The following KCNH1 variants were observed in gnomAD, a reference collection of about 807,000 sequenced individuals.
The protein encoded by KCNH1 is voltage-gated delayed rectifier potassium channel KCNH1.
KCNH1 carries 27 observed loss-of-function variants against 69.2 expected under a neutral mutation model. The observed-to-expected ratio is 0.39, with a 90% confidence interval of 0.29 to 0.54. The LOEUF is 0.54. Ranked by LOEUF, KCNH1 falls within the 20% of genes least tolerant of loss-of-function variation. The probability of loss-of-function intolerance (pLI) is 0.68; values close to 1 mark genes in which losing one functional copy is unlikely to be tolerated. For missense variants in KCNH1, 798 were observed against 1,261.6 expected (o/e 0.63, Z 5.57); for synonymous variants, 456 against 487.7 (o/e 0.93, Z 0.86).
intron 7 of KCNH1, among the ~76,000 whole-genome samples, chr1:210,874,724 AC>A (rs1478619829): frequency 2.0e-5 from 3 of 152,236 alleles, no homozygotes; most frequent in African/African-American, 7.2e-5. Context: ...ATAGCAGCAT[AC>A]ATACATATAT....
intron 5 of KCNH1, among the ~76,000 whole-genome samples, chr1:211,040,627 A>G (rs1490162631): frequency 6.6e-6 from 1 of 152,156 alleles, no homozygotes; most frequent in Admixed American, 6.6e-5. Flanking sequence ...AAACAGACTA[A>G]CACACCTTGA....
chr1:210,920,578 C>CA (rs1439066571), intron 6 of KCNH1, among the ~76,000 whole-genome samples: 1 of 151,904 alleles, frequency 6.6e-6, no homozygotes, highest in Non-Finnish European at 1.5e-5. Context: ...GCTGCATTAG[C>CA]AAGTTATGAA....
At chr1:210,941,095 G>A (rs73073409) in intron 6 of KCNH1, among the ~76,000 whole-genome samples, 3,142 of 152,286 alleles carry the variant, frequency 0.021, 97 homozygotes, top group African/African-American at 0.072. Flanking sequence ...TCTGGATACA[G>A]AACAGCACCA....
chr1:211,035,614 C>G (rs191310182), intron 5 of KCNH1, among the ~76,000 whole-genome samples: 84 of 152,108 alleles, frequency 5.5e-4, no homozygotes, highest in Non-Finnish European at 1.3e-4. Flanking sequence ...ATATAAAAGG[C>G]TATGAGTGAT....
chr1:211,113,056 G>A (rs1227189171), intron 1 of KCNH1, among the ~76,000 whole-genome samples: 1 of 151,928 alleles, frequency 6.6e-6, no homozygotes, highest in Admixed American at 6.5e-5. Flanking sequence ...CTCTTTACCA[G>A]GTACTGTTTT....
At chr1:210,749,064 G>A (rs917579558) in intron 10 of KCNH1, among the ~76,000 whole-genome samples, 4 of 152,110 alleles carry the variant, frequency 2.6e-5, no homozygotes, top group Admixed American at 6.5e-5. Flanking sequence ...TCCTGCTTTC[G>A]GTAGCCAGGT....
chr1:210,731,674 T>C (rs1361527713), intron 10 of KCNH1, among the ~76,000 whole-genome samples: 1 of 152,208 alleles, frequency 6.6e-6, no homozygotes, highest in East Asian at 1.9e-4. Context: ...AAATTACCTC[T>C]TTAAAAACAC....
intron 10 of KCNH1, among the ~76,000 whole-genome samples, chr1:210,699,793 C>T (rs1170325861): frequency 3.9e-5 from 6 of 152,170 alleles, no homozygotes; most frequent in Non-Finnish European, 8.8e-5. Flanking sequence ...ATAGCTGGCA[C>T]TTGGGTTACT....
chr1:210,998,613 A>C (rs923102168), intron 6 of KCNH1, among the ~76,000 whole-genome samples: 5 of 152,198 alleles, frequency 3.3e-5, no homozygotes, highest in African/African-American at 1.2e-4. Flanking sequence ...CAAGACAGAA[A>C]GTTAACAAGG....
At chr1:210,788,686 T>TAAAAGTGCGGAC (rs1684152942) in intron 9 of KCNH1, among the ~76,000 whole-genome samples, 1 of 6,474 alleles carries the variant, frequency 1.5e-4, no homozygotes, top group African/African-American at 5.5e-4. Flanking sequence ...AGCTTCTTTC[T>TAAAAGTGCGGAC]TTTTTTTTTT....
chr1:210,813,562 T>C (rs1269562373), intron 7 of KCNH1, among the ~76,000 whole-genome samples: 1 of 152,226 alleles, frequency 6.6e-6, no homozygotes, highest in Non-Finnish European at 1.5e-5. Flanking sequence ...TTTGTTAATG[T>C]AGTTTTTGGT....
At chr1:210,938,000 C>T (rs1048439387) in intron 6 of KCNH1, among the ~76,000 whole-genome samples, 3 of 152,208 alleles carry the variant, frequency 2.0e-5, no homozygotes, top group Non-Finnish European at 4.4e-5. Flanking sequence ...TCAATCCAGG[C>T]ATTCCTCCTG....
At chr1:210,776,337 C>A (rs990378271) in intron 9 of KCNH1, among the ~76,000 whole-genome samples, 2 of 152,156 alleles carry the variant, frequency 1.3e-5, no homozygotes, top group East Asian at 1.9e-4. Context: ...TCTCCAGGAT[C>A]CTCTCTATCC....
chr1:211,113,621 G>T (rs1447194290), intron 1 of KCNH1, among the ~76,000 whole-genome samples: 2 of 152,182 alleles, frequency 1.3e-5, no homozygotes, highest in African/African-American at 2.4e-5. Flanking sequence ...ACACTCAGGG[G>T]TGAGGAAGAA....
chr1:210,755,236 A>G (rs1422785590), intron 10 of KCNH1, among the ~76,000 whole-genome samples: 1 of 152,202 alleles, frequency 6.6e-6, no homozygotes, highest in Non-Finnish European at 1.5e-5. Context: ...GCTGGTGGAA[A>G]TGGAAAAGCT....
At chr1:210,743,459 A>T (rs1180876136) in intron 10 of KCNH1, among the ~76,000 whole-genome samples, 1 of 152,172 alleles carries the variant, frequency 6.6e-6, no homozygotes, top group African/African-American at 2.4e-5. Flanking sequence ...AAAGACTGGG[A>T]TTCTCCATTG....
intron 7 of KCNH1, among the ~76,000 whole-genome samples, chr1:210,883,302 G>T (rs978507191): frequency 3.3e-5 from 5 of 152,124 alleles, no homozygotes; most frequent in South Asian, 2.1e-4. Flanking sequence ...TTCTTTCCTG[G>T]CTAACATATG....
intron 10 of KCNH1, among the ~76,000 whole-genome samples, chr1:210,717,053 G>GATTA (rs943139296): frequency 2.6e-5 from 4 of 152,118 alleles, no homozygotes; most frequent in African/African-American, 9.7e-5. Context: ...ACCACATACT[G>GATTA]ATTAATTTCT....
At chr1:210,875,672 G>A (rs573134521) in intron 7 of KCNH1, among the ~76,000 whole-genome samples, 8 of 151,990 alleles carry the variant, frequency 5.3e-5, no homozygotes, top group East Asian at 3.9e-4. Context: ...GTGTGGTGGC[G>A]GGTGCCTGTA....
Sources: gnomAD v4.1 joint callset for allele counts (sites outside exome capture counted in the v4.1 genomes callset) on GRCh38, gnomAD v4.1.1 for gene constraint, MANE v1.5 for transcripts, NCBI Gene and HGNC (gene_info 2026-07-23, HGNC 2026-07-21) for gene names.